PCDHGA3: variants seen among roughly 807,000 people sequenced by gnomAD.
PCDHGA3 encodes the protein protocadherin gamma subfamily A, 3, also known as protocadherin gamma-A3.
PCDHGA3 carries 40 observed loss-of-function variants against 58.5 expected under a neutral mutation model. The ratio of observed to expected loss-of-function variants is 0.68; its 90% CI spans 0.53 to 0.89. The LOEUF (loss-of-function observed/expected upper bound fraction) is 0.89. Ranked by LOEUF, PCDHGA3 falls within the 40% of genes least tolerant of loss-of-function variation. The probability of loss-of-function intolerance (pLI) is 0.00; values close to 1 mark genes in which losing one functional copy is unlikely to be tolerated. For synonymous variants in PCDHGA3, 530 were observed against 525.7 expected, an observed-to-expected ratio of 1.01 and a Z score of -0.11; for missense variants, 1,223 against 1,195.9, an observed-to-expected ratio of 1.02 and a Z score of -0.33.
chr5:141,465,505 G>C (rs905617997), intron 1 of PCDHGA3, among the ~76,000 whole-genome samples: 1 of 152,190 alleles, frequency 6.6e-6, no homozygotes, highest in Non-Finnish European at 1.5e-5. Context: ...CATTGTCGTG[G>C]TCAGGAAGGA....
chr5:141,356,912 G>T (rs376285031), intron 1 of PCDHGA3: 2 of 1,614,130 alleles, frequency 1.2e-6, no homozygotes, highest in South Asian at 1.1e-5. Context: ...CCTACTGATG[G>T]CTCCACTGGT....
intron 1 of PCDHGA3, chr5:141,478,432 G>T (rs1238011675): frequency 6.2e-7 from 1 of 1,613,728 alleles, no homozygotes; most frequent in Admixed American, 1.7e-5. Context: ...GCGACCCGCT[G>T]CTGAAGAAAC....
At chr5:141,394,016 T>C in intron 1 of PCDHGA3, 1 of 1,613,452 alleles carries the variant, frequency 6.2e-7, no homozygotes, top group Non-Finnish European at 8.5e-7. Context: ...TAGGTAATTA[T>C]TATAGATTAG....
At chr5:141,506,462 AAAAG>A (rs1396142744) in intron 3 of PCDHGA3, among the ~76,000 whole-genome samples, 1 of 151,856 alleles carries the variant, frequency 6.6e-6, no homozygotes, top group African/African-American at 2.4e-5. Flanking sequence ...AAAAAAAAAA[AAAAG>A]AGCACAGGCT....
chr5:141,432,630 G>A lies in PCDHGA3; in HGVS notation c.2425-62177G>A, dbSNP rs1278355878. On this transcript the variant is annotated intron_variant, in intron 1 of 3. Coordinates refer to ENST00000253812, the MANE Select transcript of PCDHGA3 (RefSeq NM_018916.4). This position sits in a 1 kb window ranked among gnomAD's most constrained non-coding sequence, Gnocchi z 6.0. ...CTCTTCTCGGTGGGTCTGCACACGG[G>A]CGAGGTGCGCACGGCGCGAGCCCTG... 3.7e-6 allele frequency: 6 copies of A among 1,612,782 alleles called. No homozygotes were observed. Among genetic ancestry groups the A allele is most frequent in the Non-Finnish European group, 5.1e-6 (6 of 1,179,682 alleles).
Position 141,491,743 on chromosome 5 carries a change from A to G in PCDHGA3, c.2425-3064A>G, listed in dbSNP as rs752434173. ...GCCCCGGGCGACCCCTGGGGGCGGC[A>G]CTGGAGAAGCCGCCCGTCCTCATAA... On this transcript the variant is annotated intron_variant, in intron 1 of 3. Transcript: ENST00000253812. The surrounding 1 kb of genome is among the most constrained non-coding windows in gnomAD (Gnocchi z 6.9). 5.0e-6 allele frequency: 8 copies of G among 1,595,570 alleles called. No individual in the cohort carries two copies. In the Admixed American group the frequency reaches 1.4e-4, roughly 28 times the overall value.
At position 141,361,482 on chromosome 5, in the gene PCDHGA3, C is replaced by T. The variant is rs759187963; in HGVS notation, c.2424+15025C>T. The stretch of plus-strand genomic sequence containing the variant: ...ACATCTCCGACGTCAACGATAATGC[C>T]CCAGTTTTCCAACAGACTTCCTACA... On this transcript the variant is annotated intron_variant, in intron 1 of 3. Coordinates refer to ENST00000253812, the MANE Select transcript of PCDHGA3 (RefSeq NM_018916.4). 1.4e-5 allele frequency: 23 copies of T among 1,613,870 alleles called. No homozygotes were observed. In the Admixed American group the frequency reaches 3.2e-4, roughly 22 times the overall value.
chr5:141,492,575 C>T (rs1213639439), intron 1 of PCDHGA3, among the ~76,000 whole-genome samples: 1 of 152,218 alleles, frequency 6.6e-6, no homozygotes, highest in South Asian at 2.1e-4. Flanking sequence ...GAGCGAGGCG[C>T]GGGGCCAGGA....
intron 1 of PCDHGA3, chr5:141,393,568 T>G (rs549396721): frequency 1.2e-6 from 2 of 1,613,904 alleles, no homozygotes; most frequent in African/African-American, 2.7e-5. Context: ...GTGAAAGTCC[T>G]TGAGAACATG....
chr5:141,361,214 C>G, intron 1 of PCDHGA3: 1 of 1,613,912 alleles, frequency 6.2e-7, no homozygotes, highest in Non-Finnish European at 8.5e-7. Context: ...CCGGAGGATT[C>G]GCCACCAGGA....
At chr5:141,446,766 C>T (rs1335326278) in intron 1 of PCDHGA3, among the ~76,000 whole-genome samples, 7 of 152,208 alleles carry the variant, frequency 4.6e-5, no homozygotes, top group East Asian at 3.9e-4. Context: ...CGCGCCCAGC[C>T]GGTTACCATT....
At chr5:141,481,524 A>G (rs186970700) in intron 1 of PCDHGA3, among the ~76,000 whole-genome samples, 4 of 152,240 alleles carry the variant, frequency 2.6e-5, no homozygotes, top group African/African-American at 9.6e-5. Flanking sequence ...CTCAGTAAAA[A>G]TCTAGAGATG....
intron 1 of PCDHGA3, chr5:141,361,193 C>G (rs1588559519): frequency 6.2e-7 from 1 of 1,613,962 alleles, no homozygotes; most frequent in East Asian, 2.2e-5. Context: ...ACTTCAGTAT[C>G]TACTCCCCTA....
At position 141,374,373 on chromosome 5, in the gene PCDHGA3, C is replaced by A. The variant is rs370590731; in HGVS notation, c.2424+27916C>A. 7.4e-6 allele frequency: 12 copies of A among 1,613,934 alleles called. No homozygotes were observed. Among genetic ancestry groups the A allele is most frequent in the Non-Finnish European group, 8.5e-7 (1 of 1,179,910 alleles). On this transcript the variant is annotated intron_variant, in intron 1 of 3. Transcript: ENST00000253812. ...AGGATAGACCGCGAGGAGCTCTGTGCTCAGAGCCCGCGGTGTCTGGTGAGT... is the reference window on the plus strand; with the variant it reads ...AGGATAGACCGCGAGGAGCTCTGTGATCAGAGCCCGCGGTGTCTGGTGAGT...
At chr5:141,364,427 T>C (rs372052970) in intron 1 of PCDHGA3, 20 of 1,613,650 alleles carry the variant, frequency 1.2e-5, no homozygotes, top group Non-Finnish European at 1.7e-5. Flanking sequence ...GCAGATCCGC[T>C]ACTCGATGCC....
intron 1 of PCDHGA3, chr5:141,412,700 G>C (rs537095191): frequency 6.6e-6 from 1 of 152,574 alleles, no homozygotes; most frequent in South Asian, 2.1e-4. Flanking sequence ...TTTTATTAAA[G>C]TGTGTACATT....
At chr5:141,407,621 T>C (rs993791058) in intron 1 of PCDHGA3, among the ~76,000 whole-genome samples, 1 of 152,202 alleles carries the variant, frequency 6.6e-6, no homozygotes, top group African/African-American at 2.4e-5. Flanking sequence ...GTTGACATTC[T>C]ATATCTCGTA....
At chr5:141,455,558 G>A (rs1261373189) in intron 1 of PCDHGA3, among the ~76,000 whole-genome samples, 1 of 152,142 alleles carries the variant, frequency 6.6e-6, no homozygotes, top group East Asian at 1.9e-4. Flanking sequence ...CCGAGAAAAA[G>A]CTGGCCCTCC....
intron 1 of PCDHGA3, among the ~76,000 whole-genome samples, chr5:141,492,329 C>T (rs2099739386): frequency 1.3e-5 from 2 of 152,232 alleles, no homozygotes; most frequent in African/African-American, 4.8e-5. Context: ...CGTGGGCTTA[C>T]GCGAATACCA....
Sources: gnomAD v4.1 joint callset for allele counts (sites outside exome capture counted in the v4.1 genomes callset) on GRCh38, gnomAD v4.1.1 for gene constraint, Gnocchi (gnomAD v3.1) non-coding constraint, MANE v1.5 for transcripts, NCBI Gene and HGNC (gene_info 2026-07-23, HGNC 2026-07-21) for gene names.